The following RALGPS1 variants were observed in gnomAD, a reference collection of about 807,000 sequenced individuals.
RALGPS1 encodes the protein Ral GEF with PH domain and SH3 binding motif 1.
Under a neutral mutation model 78.8 loss-of-function variants are expected in RALGPS1, and 19 were observed. The ratio of observed to expected loss-of-function variants is 0.24; its 90% CI spans 0.17 to 0.35. The LOEUF (loss-of-function observed/expected upper bound fraction) is 0.35, where lower values mean the gene tolerates loss of function less well. Ranked by LOEUF, RALGPS1 falls within the 10% of genes least tolerant of loss-of-function variation. RALGPS1 has a pLI of 1.00. For missense variants in RALGPS1, 454 were observed against 688.3 expected, an observed-to-expected ratio of 0.66 and a Z score of 3.81; for synonymous variants, 228 against 256.3, an observed-to-expected ratio of 0.89 and a Z score of 1.06.
intron 11 of RALGPS1, among the ~76,000 whole-genome samples, chr9:127,190,480 T>A (rs917474822): frequency 2.6e-5 from 4 of 152,178 alleles, no homozygotes; most frequent in African/African-American, 9.7e-5. Flanking sequence ...CACACCACCG[T>A]ACTGGACTAG....
chr9:126,929,805 T>C (rs115685034), intron 1 of RALGPS1, among the ~76,000 whole-genome samples: 2,071 of 152,126 alleles, frequency 0.014, 56 homozygotes, highest in African/African-American at 0.047. Context: ...CTGAGTATTT[T>C]AGTGGATAGA....
Position 127,162,311 on chromosome 9 carries a change from C to A in RALGPS1, c.611-3758C>A, listed in dbSNP as rs938745691. On this transcript the variant is annotated intron_variant, in intron 8 of 18. Coordinates refer to ENST00000259351, the MANE Select transcript of RALGPS1 (RefSeq NM_014636.3). ...GTCTGTGTGCGGTTGTGGGGTGTGC[C>A]AACTACATGTAGAGCTCAGCACTGT... Among the ~76,000 whole-genome samples the A allele has an allele frequency of 2.0e-5, 3 of 152,138 alleles. No individual in the cohort carries two copies. In the South Asian group the frequency reaches 6.2e-4, roughly 32 times the overall value.
chr9:127,205,268 C>T lies in RALGPS1; in HGVS notation c.1247+6202C>T, dbSNP rs574259158. ...CAGCCTCTTCAGGTCCCAGGCCCCC[C>T]GTCGAGGGATCACTAGGGTTCTCTT... is the stretch of plus-strand genomic sequence containing the variant. On this transcript the variant is annotated intron_variant, in intron 14 of 18. Coordinates refer to ENST00000259351, the MANE Select transcript of RALGPS1 (RefSeq NM_014636.3). The surrounding 1 kb of genome is among the most constrained non-coding windows in gnomAD (Gnocchi z 4.0). Among the ~76,000 whole-genome samples the T allele has an allele frequency of 5.9e-5, 9 of 152,328 alleles. No individual in the cohort carries two copies. The highest frequency in any genetic ancestry group is 1.3e-4 in the Admixed American group (2 of 15,306).
intron 8 of RALGPS1, among the ~76,000 whole-genome samples, chr9:127,128,595 C>A (rs192112179): frequency 1.0e-3 from 158 of 152,290 alleles, no homozygotes; most frequent in Non-Finnish European, 1.9e-3. Flanking sequence ...CATCAAGAAG[C>A]CTGTGGAACT....
chr9:126,940,989 A>C (rs558748412), intron 1 of RALGPS1, among the ~76,000 whole-genome samples: 1 of 152,378 alleles, frequency 6.6e-6, no homozygotes, highest in South Asian at 2.1e-4. Flanking sequence ...TAAAAGTGCC[A>C]TACAATAATG....
intron 4 of RALGPS1, among the ~76,000 whole-genome samples, chr9:126,996,471 G>C (rs1487487668): frequency 6.6e-6 from 1 of 152,152 alleles, no homozygotes; most frequent in East Asian, 1.9e-4. Context: ...ATCCTCCCAA[G>C]ACTAAACCAG....
chr9:127,176,405 G>C (rs1162099830), intron 11 of RALGPS1, among the ~76,000 whole-genome samples: 1 of 152,192 alleles, frequency 6.6e-6, no homozygotes, highest in African/African-American at 2.4e-5. Context: ...CAACTGACCT[G>C]TGGGGGACGA....
intron 4 of RALGPS1, among the ~76,000 whole-genome samples, chr9:126,990,912 G>T (rs543929399): frequency 5.3e-5 from 8 of 152,288 alleles, no homozygotes; most frequent in African/African-American, 1.9e-4. Context: ...TGTAGCAGTA[G>T]TAATAATACT....
chr9:126,952,885 C>CTGCA (rs2037996500), intron 1 of RALGPS1, among the ~76,000 whole-genome samples: 1 of 152,084 alleles, frequency 6.6e-6, no homozygotes, highest in South Asian at 2.1e-4. Flanking sequence ...CGTGGGAGAG[C>CTGCA]TGCACGTCCA....
At chr9:127,185,011 C>T (rs1361214912) in intron 11 of RALGPS1, among the ~76,000 whole-genome samples, 2 of 152,196 alleles carry the variant, frequency 1.3e-5, no homozygotes, top group African/African-American at 2.4e-5. Flanking sequence ...TCTTCCTCCG[C>T]AGCCATGAGC....
intron 1 of RALGPS1, among the ~76,000 whole-genome samples, chr9:126,941,909 T>C (rs1418585635): frequency 6.6e-6 from 1 of 152,232 alleles, no homozygotes; most frequent in Admixed American, 6.5e-5. Flanking sequence ...GAACATATAC[T>C]CTCTGGTTAT....
At chr9:127,118,889 T>C (rs1320850042) in intron 8 of RALGPS1, among the ~76,000 whole-genome samples, 1 of 152,190 alleles carries the variant, frequency 6.6e-6, no homozygotes, top group Non-Finnish European at 1.5e-5. Context: ...TAGCTACCCA[T>C]TGCCATCTCC....
chr9:127,212,102 G>A lies in RALGPS1; in HGVS notation c.1248-29G>A. 5 of 1,579,256 alleles carry A rather than the reference G, an allele frequency of 3.2e-6. No individual in the cohort carries two copies. Among genetic ancestry groups the A allele is most frequent in the Non-Finnish European group, 4.3e-6 (5 of 1,158,110 alleles). On this transcript the variant is annotated intron_variant, in intron 14 of 18. Coordinates refer to ENST00000259351, the MANE Select transcript of RALGPS1 (RefSeq NM_014636.3). This position sits in a 1 kb window ranked among gnomAD's most constrained non-coding sequence, Gnocchi z 6.0. ...GGTGCTTGACCTCAGCTCCTCCAGG[G>A]CGATGTCTGACTGGTAGTCTCTCCT...
chr9:127,053,010 C>A lies in RALGPS1; in HGVS notation c.483+71C>A, dbSNP rs2048420414. ...TTGGTGAAGTTCTTCATTCCACAAG[C>A]CCCAGCCTTTCTCTTACTGTCTATA... On this transcript the variant is annotated intron_variant, in intron 7 of 18. Transcript: ENST00000259351. 7.4e-6 allele frequency: 8 copies of A among 1,088,290 alleles called. No individual in the cohort carries two copies. The East Asian group carries it at 1.6e-4, about 22-fold the overall frequency. The allele number at this position is 1,088,290 out of a possible 1,614,324, so 67.4% of individuals were successfully genotyped here.
At chr9:127,200,161 C>T (rs756387929) in intron 14 of RALGPS1, among the ~76,000 whole-genome samples, 1 of 152,256 alleles carries the variant, frequency 6.6e-6, no homozygotes, top group African/African-American at 2.4e-5. Flanking sequence ...TACACGCACA[C>T]ACACACACTC....
chr9:126,939,834 G>A (rs979367575), intron 1 of RALGPS1, among the ~76,000 whole-genome samples: 1 of 152,234 alleles, frequency 6.6e-6, no homozygotes, highest in Non-Finnish European at 1.5e-5. Context: ...GGGCTAAGCA[G>A]AGAGCCTGCA....
intron 12 of RALGPS1, 96 bp downstream of exon 12, chr9:127,195,313 C>T (rs937097641): frequency 6.7e-7 from 1 of 1,487,686 alleles, no homozygotes; most frequent in African/African-American, 1.4e-5. Flanking sequence ...TGGGTCCCTC[C>T]CCTGCCCTGT....
At chr9:126,929,428 C>T (rs2035595352) in intron 1 of RALGPS1, among the ~76,000 whole-genome samples, 1 of 152,126 alleles carries the variant, frequency 6.6e-6, no homozygotes, top group Non-Finnish European at 1.5e-5. Context: ...TAACCTTAGT[C>T]TTTAGTGATG....
At chr9:127,083,970 G>A (rs899123553) in intron 8 of RALGPS1, among the ~76,000 whole-genome samples, 2 of 152,114 alleles carry the variant, frequency 1.3e-5, no homozygotes, top group Admixed American at 6.5e-5. Context: ...GAGTGTGGTG[G>A]CATGATCTTG....
Sources: gnomAD v4.1 joint callset for allele counts (sites outside exome capture counted in the v4.1 genomes callset) on GRCh38, gnomAD v4.1.1 for gene constraint, Gnocchi (gnomAD v3.1) non-coding constraint, MANE v1.5 for transcripts, NCBI Gene and HGNC (gene_info 2026-07-23, HGNC 2026-07-21) for gene names.